The following FGF14 variants were observed in gnomAD, a reference collection of about 807,000 sequenced individuals.
FGF14 encodes the protein fibroblast growth factor homologous factor 4.
A neutral mutation model predicts 25.5 loss-of-function variants in FGF14; 5 were observed. That is an observed-to-expected ratio of 0.20 (90% CI 0.10 to 0.41). The LOEUF is 0.41. Among genes scored for constraint, FGF14 ranks in the 10% least tolerant of loss-of-function variants. FGF14 has a pLI of 1.00. For missense variants in FGF14, 222 were observed against 320.1 expected (o/e 0.69, Z 2.34); for synonymous variants, 138 against 118.3 (o/e 1.17, Z -1.08).
At chr13:102,237,757 C>T (rs1034189295) in intron 1 of FGF14, among the ~76,000 whole-genome samples, 5 of 152,054 alleles carry the variant, frequency 3.3e-5, no homozygotes, top group Admixed American at 3.3e-4. Context: ...AACACTCAAT[C>T]TTCTGTAAAT....
At chr13:101,920,641 A>G (rs892004716), upstream of FGF14, among the ~76,000 whole-genome samples, 1 of 152,160 alleles carries the variant, frequency 6.6e-6, no homozygotes, top group African/African-American at 2.4e-5. Context: ...TTTTTTCAAT[A>G]TCAAAATATA....
intron 1 of FGF14, among the ~76,000 whole-genome samples, chr13:102,318,094 T>C (rs1163539640): frequency 6.6e-6 from 1 of 152,140 alleles, no homozygotes; most frequent in African/African-American, 2.4e-5. Context: ...TTTCAGTAAA[T>C]GGAGGGAGTT....
intron 1 of FGF14, among the ~76,000 whole-genome samples, chr13:102,326,940 T>C (rs963753821): frequency 3.3e-5 from 5 of 152,204 alleles, no homozygotes; most frequent in Non-Finnish European, 2.9e-5. Flanking sequence ...CCACGGAAAC[T>C]GAACCTGAAG....
intron 1 of FGF14, among the ~76,000 whole-genome samples, chr13:102,160,895 T>C (rs2047592227): frequency 6.6e-6 from 1 of 152,186 alleles, no homozygotes; most frequent in African/African-American, 2.4e-5. Flanking sequence ...CAGCTCAAAA[T>C]GTAGTGTTGA....
chr13:101,990,018 C>T (rs2038808971), intron 1 of FGF14, among the ~76,000 whole-genome samples: 1 of 152,042 alleles, frequency 6.6e-6, no homozygotes, highest in African/African-American at 2.4e-5. Flanking sequence ...ATATTTTTGT[C>T]AACTTTTTGT....
chr13:101,931,193 G>T (rs2034726771), intron 1 of FGF14, among the ~76,000 whole-genome samples: 3 of 152,124 alleles, frequency 2.0e-5, no homozygotes, highest in Admixed American at 1.3e-4. Flanking sequence ...CTATTGCTGA[G>T]ATCAAACGAA....
At chr13:101,907,868 T>C (rs939677194) in intron 1 of FGF14, among the ~76,000 whole-genome samples, 1 of 152,136 alleles carries the variant, frequency 6.6e-6, no homozygotes, top group Non-Finnish European at 1.5e-5. Flanking sequence ...GATGGTCTAA[T>C]GCTAAATTTG....
chr13:102,125,043 G>A (rs1260014731), intron 1 of FGF14, among the ~76,000 whole-genome samples: 1 of 151,988 alleles, frequency 6.6e-6, no homozygotes, highest in South Asian at 2.1e-4. Flanking sequence ...TAACCATATG[G>A]TTTCACAACA....
At chr13:101,943,221 C>T (rs1345068188) in intron 1 of FGF14, among the ~76,000 whole-genome samples, 6 of 152,210 alleles carry the variant, frequency 3.9e-5, no homozygotes, top group Non-Finnish European at 5.9e-5. Flanking sequence ...GTTCACTCTT[C>T]CGGGTTCCAT....
intron 1 of FGF14, among the ~76,000 whole-genome samples, chr13:102,093,663 C>T (rs1444211233): frequency 6.6e-6 from 1 of 152,024 alleles, no homozygotes; most frequent in Non-Finnish European, 1.5e-5. Context: ...ATACAAACTG[C>T]CACTAGTGAT....
intron 1 of FGF14, among the ~76,000 whole-genome samples, chr13:102,326,672 AGGGAAGGGAAGGGAAGGGAAG>A (rs2056438964): frequency 3.3e-5 from 2 of 60,222 alleles, no homozygotes; most frequent in African/African-American, 7.5e-5. Flanking sequence ...AGGGAGGGGA[AGGGAAGGGAAGGGAAGGGAAG>A]GGAAGGAAGG....
chr13:101,838,147 C>G (rs188040290), intron 3 of FGF14, among the ~76,000 whole-genome samples: 1 of 152,118 alleles, frequency 6.6e-6, no homozygotes, highest in African/African-American at 2.4e-5. Context: ...CTTAATATTT[C>G]TAAACTCCCC....
chr13:102,251,757 A>G (rs767415912), intron 1 of FGF14, among the ~76,000 whole-genome samples: 3 of 152,098 alleles, frequency 2.0e-5, no homozygotes, highest in Non-Finnish European at 4.4e-5. Flanking sequence ...CACCCTTTAC[A>G]TGACTCTTTT....
At chr13:101,959,708 G>T (rs573074317) in intron 1 of FGF14, among the ~76,000 whole-genome samples, 1 of 152,180 alleles carries the variant, frequency 6.6e-6, no homozygotes, top group Non-Finnish European at 1.5e-5. Flanking sequence ...TCTTCTGAGT[G>T]TTTTGTTCAT....
intron 1 of FGF14, among the ~76,000 whole-genome samples, chr13:102,150,184 C>T (rs868525820): frequency 3.3e-5 from 5 of 152,058 alleles, no homozygotes; most frequent in African/African-American, 1.2e-4. Context: ...CTTTGAATCT[C>T]GACCTCAGAG....
At chr13:102,082,232 T>TA (rs2043654090) in intron 1 of FGF14, among the ~76,000 whole-genome samples, 2 of 142,474 alleles carry the variant, frequency 1.4e-5, no homozygotes, top group African/African-American at 2.7e-5. Flanking sequence ...AGAAGGGGCT[T>TA]AAGGAAAAAA....
At chr13:101,824,619 TC>T (rs1594385491) in intron 3 of FGF14, among the ~76,000 whole-genome samples, 2 of 152,292 alleles carry the variant, frequency 1.3e-5, no homozygotes, top group East Asian at 3.9e-4. Flanking sequence ...GGCACACAGC[TC>T]CTAAAACCCT....
chr13:102,124,688 A>G (rs753058150), intron 1 of FGF14, among the ~76,000 whole-genome samples: 54 of 151,944 alleles, frequency 3.6e-4, no homozygotes, highest in Non-Finnish European at 6.2e-4. Context: ...GGGCCAGCAC[A>G]TTTCTTGCTT....
chr13:102,077,269 A>G (rs2043407251), intron 1 of FGF14, among the ~76,000 whole-genome samples: 1 of 152,206 alleles, frequency 6.6e-6, no homozygotes, highest in Non-Finnish European at 1.5e-5. Flanking sequence ...CCAAAAGCAC[A>G]GGCAACAAAA....
Sources: allele counts gnomAD v4.1 joint callset (sites outside exome capture counted in the v4.1 genomes callset), GRCh38; gene constraint gnomAD v4.1.1; transcripts MANE v1.5; gene names NCBI Gene and HGNC (gene_info 2026-07-23, HGNC 2026-07-21).